CTSH: variants seen among roughly 807,000 people sequenced by gnomAD.
The protein encoded by CTSH is pro-cathepsin H.
A neutral mutation model predicts 56.3 loss-of-function variants in CTSH; 52 were observed. The ratio of observed to expected loss-of-function variants is 0.92; its 90% confidence interval spans 0.74 to 1.16. The LOEUF is 1.16. Among genes scored for constraint, CTSH ranks in the 50% most tolerant of loss-of-function variants. CTSH has a pLI of 0.00. For missense variants in CTSH, 406 were observed against 424.5 expected, an observed-to-expected ratio of 0.96 and a Z score of 0.38; for synonymous variants, 174 against 155.7, an observed-to-expected ratio of 1.12 and a Z score of -0.88.
At chr15:78,932,190 A>G (rs2055076181) in intron 6 of CTSH, 182 bp downstream of exon 6, 4 of 911,430 alleles carry the variant, frequency 4.4e-6, no homozygotes, top group South Asian at 1.8e-5. Flanking sequence ...TAATAAACTC[A>G]GATCCTTCCC....
rs555719708 is a variant in CTSH, at chr15:78,933,547, T to G, written c.406-1089A>C. The G allele has an allele frequency of 8.8e-4, 400 of 455,172 alleles. 8 individuals carry two copies. Among genetic ancestry groups the G allele is most frequent in the South Asian group, 4.6e-3 (296 of 64,408 alleles). The allele number at this position is 455,172 out of a possible 1,614,324, so 28.2% of individuals were successfully genotyped here. On this transcript the variant is annotated intron_variant, in intron 5 of 11. Coordinates refer to ENST00000220166, the MANE Select transcript of CTSH (RefSeq NM_004390.5). ...TCACCCAATCTCTTCCCTTCACATA[T>G]CTCTCTCAGCTGGGGGAGGGAGGGA... is the stretch of plus-strand genomic sequence containing the variant.
chr15:78,933,424 C>T (rs1596281987), intron 5 of CTSH: 2 of 368,172 alleles, frequency 5.4e-6, no homozygotes, highest in East Asian at 7.7e-5. Flanking sequence ...ATCTCTGTTT[C>T]CTCACCTTGC....
At chr15:78,939,691 C>T (rs1351419377) in intron 1 of CTSH, among the ~76,000 whole-genome samples, 1 of 152,140 alleles carries the variant, frequency 6.6e-6, no homozygotes, top group Non-Finnish European at 1.5e-5. Context: ...GGTTCAAGAC[C>T]AGCTTGGCCA....
At chr15:78,934,706 G>C in intron 5 of CTSH, 1 of 500,728 alleles carries the variant, frequency 2.0e-6, no homozygotes, top group Admixed American at 2.8e-5. Flanking sequence ...CTGTAGGAGA[G>C]ACCTGGGACC....
rs776414935 is a variant in CTSH at position 78,937,422 on chromosome 15, T to C, written c.125A>G (p.His42Arg). The C allele has an allele frequency of 1.2e-6, 2 of 1,613,530 alleles. No individual in the cohort carries two copies. The highest frequency in any genetic ancestry group is 2.2e-5 in the South Asian group (2 of 90,980). ...KFHFKSWMSKHRKTYSTEEYH... is the reference protein window; with the variant it reads ...KFHFKSWMSKRRKTYSTEEYH... ...CTCCTCCGTACTGTAGGTCTTACGGTGCTAAAACAAAACACGCCAGTAGCA... is the reference window on the plus strand; with the variant it reads ...CTCCTCCGTACTGTAGGTCTTACGGCGCTAAAACAAAACACGCCAGTAGCA... The change falls in exon 3 of 12, where the codon CAC becomes CGC. Residue 42 changes from histidine to arginine, a missense_variant and splice_region_variant. By Grantham distance (29) the His-to-Arg change is conservative. Transcript: ENST00000220166.
chr15:78,928,585 AAAAAGAAGGG>A (rs1183567699), intron 8 of CTSH, among the ~76,000 whole-genome samples: 55 of 116,044 alleles, frequency 4.7e-4, no homozygotes, highest in African/African-American at 1.9e-3. Flanking sequence ...AAAAAAAAAA[AAAAAGAAGGG>A]AGAGTAAAAG....
At chr15:78,928,110 A>G (rs1000706816) in intron 8 of CTSH, among the ~76,000 whole-genome samples, 1 of 152,192 alleles carries the variant, frequency 6.6e-6, no homozygotes, top group Non-Finnish European at 1.5e-5. Context: ...TCAGCCCAAA[A>G]AACAATGCTG....
intron 9 of CTSH, chr15:78,926,429 A>G (rs2054904663): frequency 6.6e-6 from 1 of 152,458 alleles, no homozygotes; most frequent in South Asian, 2.1e-4. Flanking sequence ...TGCAGGTGGC[A>G]CCATTTCCAC....
intron 11 of CTSH, 36 bp downstream of exon 11, chr15:78,922,957 T>TC (rs767067438): frequency 2.5e-6 from 4 of 1,587,830 alleles, no homozygotes; most frequent in Middle Eastern, 1.7e-4. Context: ...CTGAGCAACA[T>TC]CCCCCTCCCA....
At chr15:78,927,563 C>A in intron 9 of CTSH, 150 bp downstream of exon 9, 1 of 674,938 alleles carries the variant, frequency 1.5e-6, no homozygotes, top group Admixed American at 2.5e-5. Flanking sequence ...GCCACCATCA[C>A]AGCGACTGAG....
At chr15:78,929,298 A>G (rs2054992680) in intron 8 of CTSH, 114 bp downstream of exon 8, 1 of 814,794 alleles carries the variant, frequency 1.2e-6, no homozygotes, top group Non-Finnish European at 2.1e-6. Flanking sequence ...GACAATTGTG[A>G]GAATTCCGGC....
In CTSH at chr15:78,931,459, G is replaced by A; in HGVS notation, c.540C>T (p.Gly180=). ...TCTGGTCAGAGACGTACCCTTGGCA[G>A]CCGTGATTATTGAAGTCCTGGGCGC... ...VDCAQDFNNH[G]CQGGLPSQAF... is the part of the protein sequence containing the mutation. The change falls in exon 7 of 12, where the codon GGC becomes GGT. Residue 180 remains glycine, a synonymous_variant. Coordinates refer to ENST00000220166, the MANE Select transcript of CTSH (RefSeq NM_004390.5). The A allele has an allele frequency of 6.2e-7, 1 of 1,614,212 alleles. No homozygotes were observed.
Position 78,944,913 on chromosome 15 carries a change from G to A in CTSH, c.69C>T (p.Ala23=), listed in dbSNP as rs1485436108. The A allele has an allele frequency of 6.5e-7, 1 of 1,548,710 alleles. No individual in the cohort carries two copies. The highest frequency in any genetic ancestry group is 8.7e-7 in the Non-Finnish European group (1 of 1,146,092). ...TACCTAAGGAGTTCACGCACAGTTC[G>A]GCGGCACCGCAGACGGGGACTCCCA... ...WLLGVPVCGA[A]ELCVNSLEKF... is the part of the protein sequence containing the mutation. Residue 23 remains alanine (A), a synonymous_variant, in exon 1 of 12, where the codon GCC becomes GCT. Transcript: ENST00000220166.
Position 78,921,946 on chromosome 15 carries a change from C to T in CTSH, c.*184G>A, listed in dbSNP as rs372202146. 6.7e-6 allele frequency: 4 copies of T among 600,084 alleles called. No homozygotes were observed. The highest frequency in any genetic ancestry group is 2.0e-5 in the South Asian group (1 of 48,950). The allele number at this position is 600,084 out of a possible 1,614,324, so 37.2% of individuals were successfully genotyped here. On this transcript the variant is annotated 3_prime_UTR_variant, in exon 12 of 12. Coordinates refer to ENST00000220166, the MANE Select transcript of CTSH (RefSeq NM_004390.5). ...GCTGGTGATCTTTGCGTCATAGACACGGGTGAGCTCATGGTGGAACTCCTC... is the reference window on the plus strand; with the variant it reads ...GCTGGTGATCTTTGCGTCATAGACATGGGTGAGCTCATGGTGGAACTCCTC...
At chr15:78,941,014 T>C (rs1283543087) in intron 1 of CTSH, among the ~76,000 whole-genome samples, 4 of 152,166 alleles carry the variant, frequency 2.6e-5, no homozygotes, top group Admixed American at 2.6e-4. Flanking sequence ...TTTCTTTTTC[T>C]TGTTGAACAC....
chr15:78,932,440 A>T lies in CTSH; in HGVS notation c.424T>A (p.Trp142Arg). The change falls in exon 6 of 12, where the codon TGG (tryptophan) becomes AGG (arginine). Residue 142 changes from tryptophan (W) to arginine (R), a missense_variant. Transcript: ENST00000220166. ...AGGGCCCCAGTGGTGGAGAAAGTCC[A>T]GCAACTGCCGCAGGCACCCTGGAAA... ...VKNQGACGSCWTFSTTGALES... is the reference protein window; with the variant it reads ...VKNQGACGSCRTFSTTGALES... 6.2e-7 allele frequency: 1 copy of T among 1,614,038 alleles called. No homozygotes were observed. The highest frequency in any genetic ancestry group is 8.5e-7 in the Non-Finnish European group (1 of 1,179,968).
Position 78,935,681 on chromosome 15 carries a change from T to G in CTSH, c.299A>C (p.Gln100Pro). The G allele has an allele frequency of 6.2e-7, 1 of 1,608,906 alleles. No individual in the cohort carries two copies. Among genetic ancestry groups the G allele is most frequent in the Non-Finnish European group, 8.5e-7 (1 of 1,175,846 alleles). The change falls in exon 4 of 12, where the codon CAG becomes CCG. Residue 100 changes from glutamine to proline, a missense_variant and splice_region_variant. Coordinates refer to ENST00000220166, the MANE Select transcript of CTSH (RefSeq NM_004390.5). Reference protein sequence around the residue: ...IKHKYLWSEPQNCSATKSNYL... With the variant: ...IKHKYLWSEPPNCSATKSNYL... ...TTGGTTGCAATGAATTATACCTACC[T>G]GAGGCTCTGACCAGAGATACTTGTG...
chr15:78,924,256 G>A (rs537582937), intron 10 of CTSH, among the ~76,000 whole-genome samples: 1 of 152,324 alleles, frequency 6.6e-6, no homozygotes, highest in African/African-American at 2.4e-5. Flanking sequence ...GAAAAAGAGG[G>A]AGGACCAGAT....
At chr15:78,927,827 G>A (rs1387594445) in intron 8 of CTSH, 46 bp from the exon 9 acceptor site, 10 of 1,514,596 alleles carry the variant, frequency 6.6e-6, no homozygotes, top group Admixed American at 1.7e-5. Context: ...TGGACCCGAA[G>A]TCTCAGCCTC....
Sources: gnomAD v4.1 joint callset for allele counts (sites outside exome capture counted in the v4.1 genomes callset) on GRCh38, gnomAD v4.1.1 for gene constraint, MANE v1.5 for transcripts, NCBI Gene and HGNC (gene_info 2026-07-23, HGNC 2026-07-21) for gene names.